Variants in RAB9A observed in about 807,000 individuals in gnomAD.
RAB9A encodes the protein ras-related protein Rab-9A.
Under a neutral mutation model 10.3 loss-of-function variants are expected in RAB9A, and 1 was observed. That is an observed-to-expected ratio of 0.10 (90% CI 0.03 to 0.46). RAB9A has a LOEUF of 0.46. Among genes scored for constraint, RAB9A ranks in the 20% least tolerant of loss-of-function variants. The pLI is 0.96. For synonymous variants in RAB9A, 39 were observed against 55.2 expected, an observed-to-expected ratio of 0.71 and a Z score of 1.30; for missense variants, 92 against 150.3, an observed-to-expected ratio of 0.61 and a Z score of 2.03.
chrX:13,703,645 G>C (rs180886080), intron 1 of RAB9A, 169 bp from the exon 2 acceptor site: 39 of 111,822 alleles, frequency 3.5e-4, no homozygotes, highest in African/African-American at 1.1e-3. Flanking sequence ...CCTTGACATT[G>C]AATTTGATCT....
At chrX:13,693,166 C>T (rs935159008) in intron 1 of RAB9A, among the ~76,000 whole-genome samples, 5 of 57,714 alleles carry the variant, frequency 8.7e-5, no homozygotes, top group Non-Finnish European at 1.3e-4. Context: ...AGTAGTTCTG[C>T]CCAGGCAATG....
intron 1 of RAB9A, among the ~76,000 whole-genome samples, chrX:13,691,400 G>A (rs757957024): frequency 1.8e-5 from 2 of 111,694 alleles, no homozygotes; most frequent in South Asian, 3.7e-4. Context: ...GGTGGCTCAC[G>A]CCTGTAATCC....
intron 1 of RAB9A, among the ~76,000 whole-genome samples, chrX:13,693,687 A>G (rs2046135763): frequency 8.9e-6 from 1 of 112,097 alleles, no homozygotes; most frequent in South Asian, 3.6e-4. Flanking sequence ...CGTTGTTATT[A>G]TGTTGCTTAT....
At chrX:13,703,360 T>C (rs1332560066) in intron 1 of RAB9A, among the ~76,000 whole-genome samples, 1 of 112,287 alleles carries the variant, frequency 8.9e-6, no homozygotes, top group Non-Finnish European at 1.9e-5. Context: ...CTAAGAAACT[T>C]GTGAGGAATA....
chrX:13,690,492 T>G (rs1373130449), intron 1 of RAB9A, among the ~76,000 whole-genome samples: 1 of 111,612 alleles, frequency 9.0e-6, no homozygotes. Flanking sequence ...AATGTTAGAG[T>G]AGATAGGCAA....
intron 2 of RAB9A, among the ~76,000 whole-genome samples, chrX:13,707,191 A>G (rs1218735014): frequency 8.9e-6 from 1 of 112,525 alleles, no homozygotes; most frequent in Non-Finnish European, 1.9e-5. Flanking sequence ...AGTGGCTGCT[A>G]TATTGGACAT....
At chrX:13,702,329 A>G (rs2046177878) in intron 1 of RAB9A, among the ~76,000 whole-genome samples, 1 of 110,884 alleles carries the variant, frequency 9.0e-6, no homozygotes, top group African/African-American at 3.3e-5. Context: ...CCTGGGTCAA[A>G]TCTCCCTCCA....
At chrX:13,695,172 A>G (rs1294811081) in intron 1 of RAB9A, among the ~76,000 whole-genome samples, 1 of 111,831 alleles carries the variant, frequency 8.9e-6, no homozygotes, top group Non-Finnish European at 1.9e-5. Context: ...CAGCTTTCTC[A>G]TTGTTGGCTG....
At chrX:13,691,239 G>A (rs186669140) in intron 1 of RAB9A, among the ~76,000 whole-genome samples, 98 of 111,703 alleles carry the variant, frequency 8.8e-4, no homozygotes, top group Non-Finnish European at 1.5e-3. Flanking sequence ...AGTAACCCCA[G>A]AGCTTACATT....
At chrX:13,707,705 A>G (rs1186548465) in intron 2 of RAB9A, among the ~76,000 whole-genome samples, 1 of 112,500 alleles carries the variant, frequency 8.9e-6, no homozygotes, top group Non-Finnish European at 1.9e-5. Flanking sequence ...CAGCAGTCTC[A>G]TGTTCCTTAA....
chrX:13,705,473 A>G (rs1194860532), intron 2 of RAB9A, among the ~76,000 whole-genome samples: 1 of 112,009 alleles, frequency 8.9e-6, no homozygotes, highest in African/African-American at 3.2e-5. Context: ...ATTATTATGA[A>G]AAAAGAACTG....
At chrX:13,698,492 T>G (rs1048606857) in intron 1 of RAB9A, among the ~76,000 whole-genome samples, 30 of 111,718 alleles carry the variant, frequency 2.7e-4, no homozygotes, top group African/African-American at 9.8e-4. Flanking sequence ...TAGGACTAGA[T>G]AATTTATTTC....
chrX:13,698,403 C>T (rs776712215), intron 1 of RAB9A, among the ~76,000 whole-genome samples: 8 of 109,896 alleles, frequency 7.3e-5, no homozygotes, highest in Admixed American at 6.8e-4. Context: ...TCTGACATAG[C>T]GATAGTATGG....
chrX:13,708,039 G>A (rs1304450951), intron 2 of RAB9A, among the ~76,000 whole-genome samples: 1 of 111,337 alleles, frequency 9.0e-6, no homozygotes, highest in East Asian at 2.8e-4. Context: ...AGAAACATGT[G>A]GGCTGGGCAT....
intron 1 of RAB9A, among the ~76,000 whole-genome samples, chrX:13,695,672 G>A (rs920803363): frequency 8.9e-6 from 1 of 112,211 alleles, no homozygotes; most frequent in African/African-American, 3.2e-5. Flanking sequence ...TTTTAGATAT[G>A]TTGAATTTGA....
intron 2 of RAB9A, among the ~76,000 whole-genome samples, chrX:13,704,590 T>C (rs1013887245): frequency 9.2e-6 from 1 of 108,717 alleles, no homozygotes. Context: ...CTATGTAATA[T>C]GCTTTTCTTA....
chrX:13,698,493 A>AATTTATTTCACCTTGG (rs1161089624), intron 1 of RAB9A, among the ~76,000 whole-genome samples: 3 of 111,207 alleles, frequency 2.7e-5, no homozygotes, highest in Admixed American at 9.5e-5. Context: ...AGGACTAGAT[A>AATTTATTTCACCTTGG]ATTTATTTCA....
chrX:13,694,191 T>C (rs1398954576), intron 1 of RAB9A, among the ~76,000 whole-genome samples: 1 of 111,685 alleles, frequency 9.0e-6, no homozygotes, highest in East Asian at 2.8e-4. Context: ...AAAAAAGCCT[T>C]ACAGACCTCT....
intron 2 of RAB9A, among the ~76,000 whole-genome samples, chrX:13,705,402 C>G (rs2046192951): frequency 9.0e-6 from 1 of 111,533 alleles, no homozygotes; most frequent in Non-Finnish European, 1.9e-5. Flanking sequence ...ACTCTGTTTC[C>G]TGGTGGGCTG....
Sources: gnomAD v4.1 joint callset for allele counts (sites outside exome capture counted in the v4.1 genomes callset) on GRCh38, gnomAD v4.1.1 for gene constraint, MANE v1.5 for transcripts, NCBI Gene and HGNC (gene_info 2026-07-23, HGNC 2026-07-21) for gene names.